STK32B: variants seen among roughly 807,000 people sequenced by gnomAD.
STK32B encodes serine/threonine-protein kinase 32B.
In STK32B, 43 loss-of-function variants were observed where a neutral mutation model predicts 52.6. That is an observed-to-expected ratio of 0.82 (90% CI 0.64 to 1.05). STK32B has a LOEUF of 1.05. Ranked by LOEUF, STK32B falls within the 50% of genes least tolerant of loss-of-function variation. The pLI, the probability that STK32B is intolerant of heterozygous loss-of-function variation, is 0.00. For synonymous variants in STK32B, 238 were observed against 204.3 expected, an observed-to-expected ratio of 1.17 and a Z score of -1.41; for missense variants, 621 against 534.6, an observed-to-expected ratio of 1.16 and a Z score of -1.59.
intron 3 of STK32B, among the ~76,000 whole-genome samples, chr4:5,268,090 A>G (rs538156333): frequency 1.3e-5 from 2 of 152,320 alleles, no homozygotes; most frequent in Admixed American, 6.5e-5. Flanking sequence ...ATGCTCTGCT[A>G]TTGCAGGGAA....
intron 6 of STK32B, among the ~76,000 whole-genome samples, chr4:5,441,202 C>T (rs936473335): frequency 6.6e-6 from 1 of 151,030 alleles, no homozygotes; most frequent in Non-Finnish European, 1.5e-5. Context: ...CCTTGTACCT[C>T]TGGTAGAATT....
intron 1 of STK32B, among the ~76,000 whole-genome samples, chr4:5,102,350 G>C (rs929027150): frequency 6.6e-6 from 1 of 152,196 alleles, no homozygotes; most frequent in African/African-American, 2.4e-5. Flanking sequence ...CAAACCAAGA[G>C]AGGGTGGCCA....
At chr4:5,485,124 G>C (rs1339519833) in intron 11 of STK32B, among the ~76,000 whole-genome samples, 1 of 151,944 alleles carries the variant, frequency 6.6e-6, no homozygotes, top group Non-Finnish European at 1.5e-5. Flanking sequence ...TCCTGAATCT[G>C]AATGTTGGCC....
In STK32B at chr4:5,325,541, C is replaced by T. The variant is rs570211373; in HGVS notation, c.261-5679C>T. On this transcript the variant is annotated intron_variant, in intron 3 of 11. Coordinates refer to ENST00000282908, the MANE Select transcript of STK32B (RefSeq NM_018401.3). ...ATCTTTGTCTTCCTTATTTTTAATT[C>T]TATTATGTTATATACATTTCACAAG... Among the ~76,000 whole-genome samples the T allele has an allele frequency of 3.3e-5, 5 of 152,024 alleles. No individual in the cohort carries two copies. In the South Asian group the frequency reaches 1.0e-3, roughly 32 times the overall value.
intron 3 of STK32B, among the ~76,000 whole-genome samples, chr4:5,186,086 C>G (rs1165375782): frequency 6.6e-6 from 1 of 152,092 alleles, no homozygotes; most frequent in Non-Finnish European, 1.5e-5. Flanking sequence ...TCACTGGGCT[C>G]TTATTGGGTA....
chr4:5,427,372 G>A (rs1304131788), intron 6 of STK32B, among the ~76,000 whole-genome samples: 1 of 152,100 alleles, frequency 6.6e-6, no homozygotes, highest in Non-Finnish European at 1.5e-5. Flanking sequence ...TAACAACTTG[G>A]TGTGGCTTTG....
intron 1 of STK32B, among the ~76,000 whole-genome samples, chr4:5,104,475 C>G (rs2108797210): frequency 1.3e-5 from 2 of 152,324 alleles, no homozygotes; most frequent in East Asian, 3.9e-4. Flanking sequence ...GAATTTAACT[C>G]TATTTCTAGT....
At chr4:5,292,891 T>C (rs955939215) in intron 3 of STK32B, among the ~76,000 whole-genome samples, 69 of 151,954 alleles carry the variant, frequency 4.5e-4, no homozygotes, top group Non-Finnish European at 4.7e-4. Flanking sequence ...GTCAGCTAGG[T>C]TTTAGCCCTG....
chr4:5,087,765 T>A (rs1222131792), intron 1 of STK32B, among the ~76,000 whole-genome samples: 2 of 151,900 alleles, frequency 1.3e-5, no homozygotes, highest in Non-Finnish European at 2.9e-5. Context: ...CAAATATTTA[T>A]GGATCTCATA....
intron 2 of STK32B, among the ~76,000 whole-genome samples, chr4:5,158,215 G>C (rs1210822783): frequency 1.3e-5 from 2 of 152,126 alleles, no homozygotes. Context: ...CCATCCAGCA[G>C]CCAAGTGTTC....
chr4:5,431,680 G>T (rs1485120865), intron 6 of STK32B, among the ~76,000 whole-genome samples: 2 of 152,082 alleles, frequency 1.3e-5, no homozygotes, highest in Admixed American at 6.5e-5. Context: ...AATACTAATG[G>T]TCAACAGCTG....
intron 7 of STK32B, among the ~76,000 whole-genome samples, chr4:5,452,420 A>C (rs943193912): frequency 6.6e-6 from 1 of 152,154 alleles, no homozygotes; most frequent in African/African-American, 2.4e-5. Flanking sequence ...GCACTGTGCC[A>C]GGAGTCACAA....
At chr4:5,185,689 T>C (rs1446908495) in intron 3 of STK32B, among the ~76,000 whole-genome samples, 1 of 152,182 alleles carries the variant, frequency 6.6e-6, no homozygotes, top group African/African-American at 2.4e-5. Context: ...GGCTCCTAAC[T>C]ACTGTTTCAA....
At chr4:5,089,136 A>G (rs920455040) in intron 1 of STK32B, among the ~76,000 whole-genome samples, 6 of 152,146 alleles carry the variant, frequency 3.9e-5, no homozygotes, top group African/African-American at 1.4e-4. Context: ...CAGAAATAAA[A>G]AGGATTGTAA....
At chr4:5,131,797 A>G (rs1243194972) in intron 1 of STK32B, among the ~76,000 whole-genome samples, 3 of 152,244 alleles carry the variant, frequency 2.0e-5, no homozygotes, top group Non-Finnish European at 4.4e-5. Context: ...CACCCTGTCT[A>G]AAATTGCAGC....
chr4:5,326,172 G>A (rs1352807631), intron 3 of STK32B, among the ~76,000 whole-genome samples: 1 of 152,176 alleles, frequency 6.6e-6, no homozygotes, highest in African/African-American at 2.4e-5. Flanking sequence ...TTAGCTGTGA[G>A]TTGAGAGTAC....
chr4:5,065,026 G>A (rs1280276463), intron 1 of STK32B, among the ~76,000 whole-genome samples: 2 of 151,480 alleles, frequency 1.3e-5, no homozygotes, highest in African/African-American at 2.4e-5. Flanking sequence ...TGCAAGGCTG[G>A]CTTCCTGTCA....
chr4:5,235,234 A>G (rs1577224986), intron 3 of STK32B, among the ~76,000 whole-genome samples: 1 of 152,206 alleles, frequency 6.6e-6, no homozygotes, highest in Admixed American at 6.5e-5. Context: ...TGGTTGTACA[A>G]AATGCTGTGT....
chr4:5,043,633 A>T, the STK32B span, among the ~76,000 whole-genome samples: 1 of 152,210 alleles, frequency 6.6e-6, no homozygotes, highest in Non-Finnish European at 1.5e-5. Context: ...GTCCCAGACC[A>T]TGGCTACTTC....
Sources: gnomAD v4.1 joint callset for allele counts (sites outside exome capture counted in the v4.1 genomes callset) on GRCh38, gnomAD v4.1.1 for gene constraint, MANE v1.5 for transcripts, NCBI Gene and HGNC (gene_info 2026-07-23, HGNC 2026-07-21) for gene names.